The following PRKG1 variants were observed in gnomAD, a reference collection of about 807,000 sequenced individuals.
The protein encoded by PRKG1 is protein kinase cGMP-dependent 1, also known as cGMP-dependent protein kinase 1.
A neutral mutation model predicts 88.1 loss-of-function variants in PRKG1; 35 were observed. The observed-to-expected ratio is 0.40, with a 90% CI of 0.30 to 0.53. PRKG1 has a LOEUF of 0.53. PRKG1 is among the 20% of genes least tolerant of loss of function. PRKG1 has a pLI of 0.59. For synonymous variants in PRKG1, 303 were observed against 292.5 expected (o/e 1.04, Z -0.37); for missense variants, 540 against 839.8 (o/e 0.64, Z 4.41).
intron 2 of PRKG1, among the ~76,000 whole-genome samples, chr10:51,434,347 G>T (rs1020338): frequency 2.6e-3 from 395 of 152,042 alleles, no homozygotes; most frequent in African/African-American, 9.0e-3. Flanking sequence ...CGATTGAAAG[G>T]GGGCAAACTG....
intron 1 of PRKG1, among the ~76,000 whole-genome samples, chr10:51,016,866 A>G (rs1221780608): frequency 6.7e-6 from 1 of 149,872 alleles, no homozygotes; most frequent in Non-Finnish European, 1.5e-5. Context: ...ATGAGATTTT[A>G]CCATGTTGGC....
intron 7 of PRKG1, among the ~76,000 whole-genome samples, chr10:52,091,355 G>A (rs887292642): frequency 6.6e-6 from 1 of 152,100 alleles, no homozygotes; most frequent in African/African-American, 2.4e-5. Flanking sequence ...AATTAGATCA[G>A]ACCCACTTAG....
chr10:51,882,618 G>A lies in PRKG1; in HGVS notation c.699-24889G>A, dbSNP rs141571571. ...ATAGAGGAGGGAATTTGTATTCTTC[G>A]CCCCTCTATCCCTAGGATGAATCTG... is the stretch of plus-strand genomic sequence containing the variant. On this transcript the variant is annotated intron_variant, in intron 4 of 17. Transcript: ENST00000373980. Among the ~76,000 whole-genome samples, 622 of 152,234 alleles carry A rather than the reference G, an allele frequency of 4.1e-3. 5 individuals carry two copies. The highest frequency in any genetic ancestry group is 0.014 in the African/African-American group (580 of 41,538).
rs1299826908 is a variant in PRKG1 at position 51,791,191 on chromosome 10, A to G, written c.593-13394A>G. 3.3e-5 allele frequency among the ~76,000 whole-genome samples: 5 copies of G among 152,262 alleles called. No individual in the cohort carries two copies. The East Asian group carries it at 9.7e-4, about 29-fold the overall frequency. On this transcript the variant is annotated intron_variant, in intron 3 of 17. Coordinates refer to ENST00000373980, the MANE Select transcript of PRKG1 (RefSeq NM_006258.4). The stretch of plus-strand genomic sequence containing the variant: ...ATGGAAAAATAAAATAAAGAAAAAT[A>G]TGAGTGTATAAATAAAGAGGAAAAG...
intron 2 of PRKG1, among the ~76,000 whole-genome samples, chr10:51,180,177 C>T (rs1387331755): frequency 1.3e-5 from 2 of 152,110 alleles, no homozygotes; most frequent in African/African-American, 4.8e-5. Flanking sequence ...TTTTCGACAC[C>T]ACTCACGGAC....
At chr10:52,241,212 C>T (rs991068579) in intron 9 of PRKG1, among the ~76,000 whole-genome samples, 3 of 152,242 alleles carry the variant, frequency 2.0e-5, no homozygotes, top group Admixed American at 2.0e-4. Context: ...GAAATGAAAA[C>T]CTCTGGTATT....
At chr10:51,624,240 T>C (rs978344686) in intron 3 of PRKG1, among the ~76,000 whole-genome samples, 1 of 152,212 alleles carries the variant, frequency 6.6e-6, no homozygotes, top group Non-Finnish European at 1.5e-5. Flanking sequence ...GACAAATACA[T>C]GCTTGCTAGA....
At chr10:51,728,142 G>T (rs986636984) in intron 3 of PRKG1, among the ~76,000 whole-genome samples, 1 of 152,070 alleles carries the variant, frequency 6.6e-6, no homozygotes, top group South Asian at 2.1e-4. Context: ...GAAACTTGAT[G>T]TATAAGCTAT....
At chr10:51,787,149 C>A (rs942672754) in intron 3 of PRKG1, among the ~76,000 whole-genome samples, 2 of 152,094 alleles carry the variant, frequency 1.3e-5, no homozygotes, top group African/African-American at 2.4e-5. Context: ...CCCTCTAAGC[C>A]TTTTGTCTAC....
intron 5 of PRKG1, among the ~76,000 whole-genome samples, chr10:51,915,068 A>C (rs1345216930): frequency 6.6e-6 from 1 of 152,214 alleles, no homozygotes; most frequent in African/African-American, 2.4e-5. Flanking sequence ...CAGGTCCAGC[A>C]GGCTGATTAA....
At chr10:51,852,549 T>C (rs1419621687) in intron 4 of PRKG1, among the ~76,000 whole-genome samples, 1 of 152,102 alleles carries the variant, frequency 6.6e-6, no homozygotes, top group Non-Finnish European at 1.5e-5. Context: ...GGAGTTCACA[T>C]AGTTGGTGAG....
chr10:52,211,726 A>G (rs1839979942), intron 9 of PRKG1, among the ~76,000 whole-genome samples: 1 of 151,266 alleles, frequency 6.6e-6, no homozygotes, highest in Non-Finnish European at 1.5e-5. Context: ...AAGAAAAGTA[A>G]TTCAATAATT....
chr10:52,234,249 G>T (rs542970915), intron 9 of PRKG1, among the ~76,000 whole-genome samples: 48 of 152,324 alleles, frequency 3.2e-4, no homozygotes, highest in African/African-American at 1.1e-3. Flanking sequence ...ACTCTAAAAC[G>T]CAGAGTGTCT....
At chr10:51,395,139 G>A (rs1345075997) in intron 2 of PRKG1, among the ~76,000 whole-genome samples, 8 of 152,094 alleles carry the variant, frequency 5.3e-5, no homozygotes, top group Non-Finnish European at 1.2e-4. Context: ...AAGAGCAAAG[G>A]GGAGTCCAGA....
At chr10:52,262,553 G>A (rs1044423749) in intron 10 of PRKG1, among the ~76,000 whole-genome samples, 1 of 152,108 alleles carries the variant, frequency 6.6e-6, no homozygotes, top group African/African-American at 2.4e-5. Flanking sequence ...TTACAGGCAT[G>A]AGCCACCGCA....
At chr10:51,726,918 A>G (rs886160528) in intron 3 of PRKG1, among the ~76,000 whole-genome samples, 2 of 151,722 alleles carry the variant, frequency 1.3e-5, no homozygotes, top group Non-Finnish European at 2.9e-5. Context: ...CTGGGACTAC[A>G]GGCACCCGCT....
At chr10:52,152,362 A>T (rs1442850884) in intron 8 of PRKG1, among the ~76,000 whole-genome samples, 1 of 152,130 alleles carries the variant, frequency 6.6e-6, no homozygotes, top group Non-Finnish European at 1.5e-5. Context: ...TGGCATGAGG[A>T]AGACAGCAGA....
intron 3 of PRKG1, among the ~76,000 whole-genome samples, chr10:51,643,807 C>G (rs1486430949): frequency 1.3e-5 from 2 of 152,072 alleles, no homozygotes; most frequent in African/African-American, 4.8e-5. Context: ...AAACATAAAA[C>G]AAAACTTTTA....
intron 3 of PRKG1, among the ~76,000 whole-genome samples, chr10:51,488,192 GA>G (rs1344214580): frequency 2.0e-5 from 3 of 152,144 alleles, no homozygotes; most frequent in Non-Finnish European, 4.4e-5. Flanking sequence ...TTGACAGGCT[GA>G]ATGGTTTTCT....
Sources: allele counts gnomAD v4.1 joint callset (sites outside exome capture counted in the v4.1 genomes callset), GRCh38; gene constraint gnomAD v4.1.1; transcripts MANE v1.5; gene names NCBI Gene and HGNC (gene_info 2026-07-23, HGNC 2026-07-21).